The following RNF130 variants were observed in gnomAD, a reference collection of about 807,000 sequenced individuals.
RNF130 encodes E3 ubiquitin-protein ligase RNF130.
In RNF130, 21 loss-of-function variants were observed where a neutral mutation model predicts 44.6. The ratio of observed to expected loss-of-function variants is 0.47; its 90% CI spans 0.33 to 0.68. The LOEUF (loss-of-function observed/expected upper bound fraction) is 0.68, where lower values mean the gene tolerates loss of function less well. Among genes scored for constraint, RNF130 ranks in the 30% least tolerant of loss-of-function variants. RNF130 has a pLI of 0.02. For missense variants in RNF130, 479 were observed against 560.6 expected (o/e 0.85, Z 1.47); for synonymous variants, 214 against 210.4 (o/e 1.02, Z -0.15).
intron 1 of RNF130, 44 bp downstream of exon 1, chr5:180,071,411 CG>C: frequency 3.3e-6 from 4 of 1,230,102 alleles, no homozygotes; most frequent in Non-Finnish European, 4.1e-6. Flanking sequence ...GCCGCCTACG[CG>C]GGATGCAGCG....
intron 2 of RNF130, among the ~76,000 whole-genome samples, chr5:180,028,298 C>T (rs1187508081): frequency 6.6e-6 from 1 of 152,120 alleles, no homozygotes; most frequent in Non-Finnish European, 1.5e-5. Context: ...TGGAAAGAGG[C>T]ACCATGTGTG....
At chr5:179,912,557 C>T (rs1761481669) in exon 8 of RNF130, 1 of 152,230 alleles carries the variant, frequency 6.6e-6, no homozygotes, top group East Asian at 1.9e-4. Context: ...TCCAGGATGG[C>T]ATGTGTCATC....
intron 3 of RNF130, among the ~76,000 whole-genome samples, chr5:180,012,152 T>C (rs1161347542): frequency 6.6e-6 from 1 of 152,152 alleles, no homozygotes; most frequent in Non-Finnish European, 1.5e-5. Flanking sequence ...GAACTGGTGG[T>C]GCAGGAGGGA....
chr5:179,942,853 C>A (rs189853795), intron 7 of RNF130, among the ~76,000 whole-genome samples: 32 of 152,304 alleles, frequency 2.1e-4, no homozygotes, highest in African/African-American at 7.7e-4. Flanking sequence ...GTAACTCTCT[C>A]CTGTGGATAT....
At chr5:179,957,734 G>A (rs1762240050) in intron 8 of RNF130, among the ~76,000 whole-genome samples, 2 of 152,108 alleles carry the variant, frequency 1.3e-5, no homozygotes, top group South Asian at 4.1e-4. Context: ...TTGGCTACAA[G>A]GAGAATAAAT....
intron 3 of RNF130, among the ~76,000 whole-genome samples, chr5:180,006,126 T>C (rs150714530): frequency 3.4e-4 from 52 of 152,284 alleles, no homozygotes; most frequent in African/African-American, 1.2e-3. Context: ...CAAACATCTA[T>C]TTCCCCTTTC....
Position 179,967,019 on chromosome 5 carries a change from T to C in RNF130, c.946-9A>G. The stretch of plus-strand genomic sequence containing the variant: ...GTACATGGCAAATTCGGCTGCAAAA[T>C]ATTTCCAGGTTAAAAATAATTGTAA... On this transcript the variant is annotated splice_polypyrimidine_tract_variant and intron_variant, in intron 6 of 8. Coordinates refer to ENST00000521389, the MANE Select transcript of RNF130 (RefSeq NM_018434.6). 6.2e-7 allele frequency: 1 copy of C among 1,605,892 alleles called. No homozygotes were observed. Among genetic ancestry groups the C allele is most frequent in the Non-Finnish European group, 8.5e-7 (1 of 1,174,840 alleles).
intron 8 of RNF130, 118 bp downstream of exon 8, chr5:179,963,353 C>T (rs917331580): frequency 7.6e-5 from 55 of 724,708 alleles, no homozygotes; most frequent in Non-Finnish European, 1.3e-4. Flanking sequence ...GATACGATCC[C>T]ATCAGGATCC....
intron 1 of RNF130, among the ~76,000 whole-genome samples, chr5:180,054,298 A>G (rs951172351): frequency 6.6e-6 from 1 of 152,240 alleles, no homozygotes; most frequent in South Asian, 2.1e-4. Flanking sequence ...AAAATGATAC[A>G]ATCGCTTTCT....
At chr5:180,011,104 A>G (rs562022615) in intron 3 of RNF130, among the ~76,000 whole-genome samples, 43 of 152,338 alleles carry the variant, frequency 2.8e-4, no homozygotes, top group African/African-American at 1.0e-3. Context: ...AACGCATATA[A>G]CCTGAAACTA....
intron 3 of RNF130, among the ~76,000 whole-genome samples, chr5:179,992,454 T>G (rs936988433): frequency 2.0e-5 from 3 of 152,278 alleles, no homozygotes; most frequent in Admixed American, 2.0e-4. Flanking sequence ...AAATCATTGT[T>G]AAAGCTTTCA....
rs1582127366 is a variant in RNF130 at position 179,933,761 on chromosome 5, G to A, written c.1151-13335C>T. 1.9e-5 allele frequency: 9 copies of A among 471,816 alleles called. No homozygotes were observed. In the East Asian group the frequency reaches 4.0e-4, roughly 21 times the overall value. The allele number at this position is 471,816 out of a possible 1,614,324, so 29.2% of individuals were successfully genotyped here. ...TGGTCTCGAACTCTTAGGCGCAAGC[G>A]ATTCACCTAGGCAGCATTTTAATTT... On this transcript the variant is annotated intron_variant, in intron 7 of 7. Transcript: ENST00000522208.
At chr5:180,003,851 T>A (rs894050058) in intron 3 of RNF130, among the ~76,000 whole-genome samples, 1 of 152,192 alleles carries the variant, frequency 6.6e-6, no homozygotes, top group Non-Finnish European at 1.5e-5. Context: ...GTGTGGTCCA[T>A]GGGGCAGATG....
At chr5:179,965,400 T>A (rs541342301) in intron 7 of RNF130, among the ~76,000 whole-genome samples, 90 of 152,312 alleles carry the variant, frequency 5.9e-4, no homozygotes, top group Non-Finnish European at 1.1e-3. Context: ...TTTATTAACA[T>A]CATGTGCAAA....
intron 3 of RNF130, among the ~76,000 whole-genome samples, chr5:179,998,796 G>A (rs1210881119): frequency 1.4e-5 from 2 of 143,398 alleles, no homozygotes; most frequent in East Asian, 4.1e-4. Flanking sequence ...CTAAGAGTGG[G>A]GTGTTGAATT....
intron 3 of RNF130, among the ~76,000 whole-genome samples, chr5:179,981,585 C>T (rs952019578): frequency 5.9e-5 from 9 of 152,218 alleles, no homozygotes; most frequent in Non-Finnish European, 1.3e-4. Context: ...GATTTTGAAG[C>T]ATATGGCAAG....
downstream of RNF130, among the ~76,000 whole-genome samples, chr5:179,951,791 A>C (rs1762130703): frequency 6.6e-6 from 1 of 152,206 alleles, no homozygotes; most frequent in Non-Finnish European, 1.5e-5. Flanking sequence ...TTATGAACAC[A>C]TAGGATTCAA....
At chr5:180,061,796 G>T (rs1041580846) in intron 1 of RNF130, among the ~76,000 whole-genome samples, 66 of 152,266 alleles carry the variant, frequency 4.3e-4, no homozygotes, top group African/African-American at 1.6e-3. Context: ...ACATTCTGAG[G>T]TTCTAGGGGG....
intron 1 of RNF130, among the ~76,000 whole-genome samples, chr5:180,052,282 C>G (rs1335731749): frequency 6.6e-6 from 1 of 152,210 alleles, no homozygotes; most frequent in Non-Finnish European, 1.5e-5. Flanking sequence ...TCCATGAATA[C>G]TGAGCAGTCC....
Sources: allele counts gnomAD v4.1 joint callset (sites outside exome capture counted in the v4.1 genomes callset), GRCh38; gene constraint gnomAD v4.1.1; transcripts MANE v1.5; gene names NCBI Gene and HGNC (gene_info 2026-07-23, HGNC 2026-07-21).